The following DRC11 variants were observed in gnomAD, a reference collection of about 807,000 sequenced individuals.
DRC11 encodes the protein dynein regulatory complex subunit 11.
the DRC11 span, among the ~76,000 whole-genome samples, chr2:236,455,677 A>G: frequency 2.6e-5 from 4 of 152,206 alleles, no homozygotes; most frequent in East Asian, 7.7e-4. The surrounding 1 kb of genome is among the most constrained non-coding windows in gnomAD (Gnocchi z 5.7). Context: ...CAGGTCCCAC[A>G]AGCCTTCGAA....
the DRC11 span, among the ~76,000 whole-genome samples, chr2:236,416,765 AT>A: frequency 2.1e-3 from 209 of 98,898 alleles, 3 homozygotes; most frequent in East Asian, 0.011. Flanking sequence ...ATATATATAT[AT>A]ATAAATAATT....
At chr2:236,459,576 C>CACGTAT in the DRC11 span, among the ~76,000 whole-genome samples, 2 of 126,266 alleles carry the variant, frequency 1.6e-5, no homozygotes, top group Non-Finnish European at 1.8e-5. Flanking sequence ...TATGTGTATA[C>CACGTAT]ATACGTATAT....
chr2:236,358,332 AT>A, the DRC11 span, among the ~76,000 whole-genome samples: 3 of 132,326 alleles, frequency 2.3e-5, no homozygotes, highest in African/African-American at 3.1e-5. Flanking sequence ...ATGAATATAT[AT>A]GATATATAGA....
At chr2:236,382,835 C>T in the DRC11 span, among the ~76,000 whole-genome samples, 24 of 152,040 alleles carry the variant, frequency 1.6e-4, no homozygotes, top group African/African-American at 5.8e-4. Flanking sequence ...TTGTAGATTC[C>T]TTGGGATTTT....
chr2:236,488,106 G>C, the DRC11 span: 3 of 1,610,514 alleles, frequency 1.9e-6, no homozygotes, highest in Non-Finnish European at 2.5e-6. Context: ...CATGAATAAA[G>C]CCCTTAGGCG....
At chr2:236,357,019 ATATC>A in the DRC11 span, among the ~76,000 whole-genome samples, 8 of 131,480 alleles carry the variant, frequency 6.1e-5, 1 homozygote, top group East Asian at 2.1e-4. Context: ...CATATATTAT[ATATC>A]TATATATTTA....
chr2:236,347,718 G>C, the DRC11 span, among the ~76,000 whole-genome samples: 1 of 151,732 alleles, frequency 6.6e-6, no homozygotes. Flanking sequence ...AGAGTGGGAG[G>C]GGGGTGAGGG....
chr2:236,318,249 T>C, the DRC11 span, among the ~76,000 whole-genome samples: 1 of 152,124 alleles, frequency 6.6e-6, no homozygotes, highest in Admixed American at 6.5e-5. This position sits in a 1 kb window ranked among gnomAD's most constrained non-coding sequence, Gnocchi z 7.0. Flanking sequence ...CTGCACTCGA[T>C]GTAAACAGTA....
At chr2:236,452,992 C>T in the DRC11 span, among the ~76,000 whole-genome samples, 4 of 152,114 alleles carry the variant, frequency 2.6e-5, no homozygotes, top group South Asian at 8.3e-4. This position sits in a 1 kb window ranked among gnomAD's most constrained non-coding sequence, Gnocchi z 4.7. Flanking sequence ...AAATGAATAC[C>T]CAGAGAAGAA....
the DRC11 span, chr2:236,488,317 G>A: frequency 1.7e-6 from 1 of 595,518 alleles, no homozygotes; most frequent in Non-Finnish European, 2.8e-6. Context: ...TCATGAGTGT[G>A]AGAACCGCTG....
chr2:236,404,672 G>A, the DRC11 span, among the ~76,000 whole-genome samples: 69 of 152,366 alleles, frequency 4.5e-4, 1 homozygote, highest in South Asian at 8.3e-4. Flanking sequence ...TGGGCCTGGA[G>A]TTAACAAAGT....
chr2:236,452,662 A>G, the DRC11 span, among the ~76,000 whole-genome samples: 1 of 152,232 alleles, frequency 6.6e-6, no homozygotes, highest in African/African-American at 2.4e-5. This position sits in a 1 kb window ranked among gnomAD's most constrained non-coding sequence, Gnocchi z 4.7. Context: ...GTGTTATGCG[A>G]AGCAAGGCAA....
the DRC11 span, among the ~76,000 whole-genome samples, chr2:236,504,675 A>G: frequency 3.0e-4 from 46 of 152,270 alleles, no homozygotes; most frequent in African/African-American, 1.0e-3. This position sits in a 1 kb window ranked among gnomAD's most constrained non-coding sequence, Gnocchi z 5.0. Flanking sequence ...CTTAAATTTT[A>G]GTTCCATAAT....
the DRC11 span, among the ~76,000 whole-genome samples, chr2:236,481,320 T>A: frequency 1.3e-5 from 2 of 152,220 alleles, no homozygotes; most frequent in African/African-American, 2.4e-5. Context: ...TTATTTACAT[T>A]GATCTCACTT....
chr2:236,507,380 G>A, the DRC11 span: 59 of 1,106,102 alleles, frequency 5.3e-5, no homozygotes, highest in Non-Finnish European at 8.2e-5. Context: ...GGATTTGGGT[G>A]GGGGGTCTTC....
chr2:236,348,390 G>GA, the DRC11 span, among the ~76,000 whole-genome samples: 2 of 152,194 alleles, frequency 1.3e-5, no homozygotes, highest in Non-Finnish European at 1.5e-5. This position sits in a 1 kb window ranked among gnomAD's most constrained non-coding sequence, Gnocchi z 7.4. Flanking sequence ...GAGCAGCAAG[G>GA]GCAGGAAGAG....
the DRC11 span, among the ~76,000 whole-genome samples, chr2:236,467,814 A>G: frequency 1.3e-4 from 20 of 152,246 alleles, no homozygotes; most frequent in Non-Finnish European, 2.5e-4. Flanking sequence ...ATTATCTTAA[A>G]GATTCAATTC....
chr2:236,484,353 T>C, the DRC11 span, among the ~76,000 whole-genome samples: 20 of 152,234 alleles, frequency 1.3e-4, no homozygotes, highest in Non-Finnish European at 2.8e-4. Flanking sequence ...ACATGCATTT[T>C]ATCTGTAATT....
the DRC11 span, among the ~76,000 whole-genome samples, chr2:236,349,336 G>C: frequency 2.6e-5 from 4 of 152,164 alleles, no homozygotes; most frequent in African/African-American, 9.7e-5. The surrounding 1 kb of genome is among the most constrained non-coding windows in gnomAD (Gnocchi z 5.5). Context: ...ATAAGAAAAT[G>C]AGACGTTGTA....
Sources: allele counts gnomAD v4.1 joint callset (sites outside exome capture counted in the v4.1 genomes callset), GRCh38; gene constraint gnomAD v4.1.1; non-coding constraint Gnocchi (gnomAD v3.1); transcripts MANE v1.5; gene names NCBI Gene and HGNC (gene_info 2026-07-23, HGNC 2026-07-21).